The following CSMD1 variants were observed in gnomAD, a reference collection of about 807,000 sequenced individuals.
CSMD1 encodes CUB and Sushi multiple domains 1.
A neutral mutation model predicts 417.5 loss-of-function variants in CSMD1; 213 were observed. The observed-to-expected ratio is 0.51, with a 90% CI of 0.46 to 0.57. The LOEUF (loss-of-function observed/expected upper bound fraction) is 0.57. Ranked by LOEUF, CSMD1 falls within the 20% of genes least tolerant of loss-of-function variation. The probability of loss-of-function intolerance (pLI) is 0.00; values close to 1 mark genes in which losing one functional copy is unlikely to be tolerated. For synonymous variants in CSMD1, 2,862 were observed against 1,736.8 expected (o/e 1.65, Z -16.11); for missense variants, 6,923 against 4,529.7 (o/e 1.53, Z -15.17).
At chr8:3,620,194 C>A (rs2449236) in intron 7 of CSMD1, among the ~76,000 whole-genome samples, 9 of 152,030 alleles carry the variant, frequency 5.9e-5, no homozygotes, top group East Asian at 1.9e-4. Flanking sequence ...TCTAGGAAAA[C>A]CATCCTTCAA....
chr8:3,461,000 G>A (rs1393590227), intron 12 of CSMD1, among the ~76,000 whole-genome samples: 2 of 152,190 alleles, frequency 1.3e-5, no homozygotes, highest in African/African-American at 4.8e-5. Flanking sequence ...TAAATGGAAT[G>A]GCAGTCCTCA....
At chr8:3,136,664 C>G (rs1447952627) in intron 41 of CSMD1, among the ~76,000 whole-genome samples, 1 of 152,120 alleles carries the variant, frequency 6.6e-6, no homozygotes, top group African/African-American at 2.4e-5. Flanking sequence ...TGGTTATACC[C>G]AGGGTACACT....
chr8:4,255,989 C>T (rs1803430518), intron 3 of CSMD1, among the ~76,000 whole-genome samples: 1 of 152,134 alleles, frequency 6.6e-6, no homozygotes, highest in African/African-American at 2.4e-5. Context: ...CGACTACGTG[C>T]AGGGTAGAGA....
intron 7 of CSMD1, among the ~76,000 whole-genome samples, chr8:3,704,156 T>C (rs948144973): frequency 4.6e-5 from 7 of 152,002 alleles, no homozygotes; most frequent in Non-Finnish European, 7.4e-5. Flanking sequence ...AAAAAACCAG[T>C]CAGTTAGACA....
intron 3 of CSMD1, among the ~76,000 whole-genome samples, chr8:4,145,469 T>A (rs1045940314): frequency 2.0e-5 from 3 of 151,210 alleles, no homozygotes; most frequent in Non-Finnish European, 4.4e-5. Context: ...TATTGAAATA[T>A]ATACGGTAAA....
At chr8:4,372,352 G>C (rs1465328169) in intron 3 of CSMD1, among the ~76,000 whole-genome samples, 1 of 152,180 alleles carries the variant, frequency 6.6e-6, no homozygotes, top group Admixed American at 6.5e-5. Context: ...GGAACGCTTA[G>C]TGTTTCCTTC....
chr8:4,035,627 A>C (rs975009766), intron 3 of CSMD1, among the ~76,000 whole-genome samples: 1 of 152,356 alleles, frequency 6.6e-6, no homozygotes. Context: ...AAGAACATAT[A>C]AAGAAATTTT....
At chr8:4,146,892 T>G (rs1317286798) in intron 3 of CSMD1, among the ~76,000 whole-genome samples, 3 of 144,430 alleles carry the variant, frequency 2.1e-5, no homozygotes, top group African/African-American at 8.7e-5. Flanking sequence ...TGATTACATG[T>G]GTGAGCCACC....
intron 3 of CSMD1, among the ~76,000 whole-genome samples, chr8:4,298,236 C>G (rs1228879778): frequency 6.6e-6 from 1 of 152,154 alleles, no homozygotes; most frequent in Non-Finnish European, 1.5e-5. Context: ...CTTCCTGTTT[C>G]TGCAATTAAA....
chr8:4,331,078 C>A (rs563955352), intron 3 of CSMD1, among the ~76,000 whole-genome samples: 1 of 152,250 alleles, frequency 6.6e-6, no homozygotes, highest in Non-Finnish European at 1.5e-5. Flanking sequence ...GTTTCTTATT[C>A]TCCAATATGC....
intron 5 of CSMD1, among the ~76,000 whole-genome samples, chr8:3,855,071 C>A (rs1277449391): frequency 6.6e-6 from 1 of 152,034 alleles, no homozygotes; most frequent in African/African-American, 2.4e-5. Flanking sequence ...GAGAATACCC[C>A]AAAATATCAA....
At chr8:3,057,527 T>C (rs1309681720) in intron 49 of CSMD1, among the ~76,000 whole-genome samples, 3 of 149,860 alleles carry the variant, frequency 2.0e-5, no homozygotes, top group Non-Finnish European at 3.0e-5. Context: ...TAAGTACATA[T>C]GTGTAATTAT....
chr8:4,673,597 G>T (rs1027527787), intron 1 of CSMD1, among the ~76,000 whole-genome samples: 1 of 152,198 alleles, frequency 6.6e-6, no homozygotes, highest in Admixed American at 6.5e-5. Flanking sequence ...AACTCTGGGG[G>T]CAATTCACAG....
At position 4,374,388 on chromosome 8, in the gene CSMD1, AAG is replaced by A. The variant is rs1246048762; in HGVS notation, c.415+45563_415+45564del. 5.4e-4 allele frequency among the ~76,000 whole-genome samples: 83 copies of A among 152,328 alleles called. 1 individual carries two copies. The highest frequency in any genetic ancestry group is 1.9e-3 in the African/African-American group (77 of 41,576). ...GTCAGGGGATATCAGTAATAATAAAAAGAAAGTCATAGGGGCTGAAGGCACCT... is the reference window on the plus strand; with the variant it reads ...GTCAGGGGATATCAGTAATAATAAAAAAAGTCATAGGGGCTGAAGGCACCT... On this transcript the variant is annotated intron_variant, in intron 3 of 69. Coordinates refer to ENST00000635120, the MANE Select transcript of CSMD1 (RefSeq NM_033225.6).
intron 3 of CSMD1, among the ~76,000 whole-genome samples, chr8:4,300,142 G>C (rs531259132): frequency 2.7e-4 from 41 of 152,252 alleles, no homozygotes; most frequent in African/African-American, 9.6e-4. Context: ...TGACTGCATA[G>C]TTATCTTTCA....
intron 5 of CSMD1, among the ~76,000 whole-genome samples, chr8:3,796,353 G>T (rs1454431992): frequency 1.8e-5 from 2 of 113,086 alleles, no homozygotes; most frequent in African/African-American, 6.6e-5. Flanking sequence ...TATCTATCAT[G>T]TATAGATATA....
At chr8:3,474,304 C>T (rs1410739700) in intron 11 of CSMD1, among the ~76,000 whole-genome samples, 1 of 151,556 alleles carries the variant, frequency 6.6e-6, no homozygotes, top group Non-Finnish European at 1.5e-5. Context: ...AAATGCAGGA[C>T]AATAAACAAT....
intron 5 of CSMD1, among the ~76,000 whole-genome samples, chr8:3,980,733 C>A (rs2740810): frequency 0.82 from 125,420 of 152,072 alleles, 52,297 homozygotes; most frequent in East Asian, 0.96. Flanking sequence ...GAAGCCCCCA[C>A]CCTTCTGAAT....
chr8:4,719,866 G>C (rs1808937378), intron 1 of CSMD1, among the ~76,000 whole-genome samples: 2 of 152,004 alleles, frequency 1.3e-5, no homozygotes, highest in South Asian at 4.1e-4. Flanking sequence ...ATATGGGAAA[G>C]GACTCCCTAT....
Sources: gnomAD v4.1 joint callset for allele counts (sites outside exome capture counted in the v4.1 genomes callset) on GRCh38, gnomAD v4.1.1 for gene constraint, MANE v1.5 for transcripts, NCBI Gene and HGNC (gene_info 2026-07-23, HGNC 2026-07-21) for gene names.